MSRB3: variants seen among roughly 807,000 people sequenced by gnomAD.
MSRB3 encodes methionine sulfoxide reductase B3, also known as methionine-R-sulfoxide reductase B3.
MSRB3 carries 13 observed loss-of-function variants against 21.0 expected under a neutral mutation model. The ratio of observed to expected loss-of-function variants is 0.62; its 90% CI spans 0.40 to 0.98. The LOEUF is 0.98. Among genes scored for constraint, MSRB3 ranks in the 50% least tolerant of loss-of-function variants. MSRB3 has a pLI of 0.00. For missense variants in MSRB3, 199 were observed against 230.3 expected (o/e 0.86, Z 0.88); for synonymous variants, 87 against 88.6 (o/e 0.98, Z 0.10).
intron 5 of MSRB3, among the ~76,000 whole-genome samples, chr12:65,407,338 GTT>G (rs111292244): frequency 7.6e-5 from 11 of 143,942 alleles, no homozygotes; most frequent in Admixed American, 2.8e-4. Flanking sequence ...GTCCTGGTAT[GTT>G]TTTTTTTTTT....
chr12:65,368,462 A>C (rs573494258), intron 4 of MSRB3, among the ~76,000 whole-genome samples: 195 of 152,296 alleles, frequency 1.3e-3, no homozygotes, highest in Non-Finnish European at 2.1e-3. Flanking sequence ...GAGAGCTTCA[A>C]AGGCTTCTGA....
At chr12:65,417,167 A>T (rs563085789) in intron 5 of MSRB3, among the ~76,000 whole-genome samples, 1 of 152,270 alleles carries the variant, frequency 6.6e-6, no homozygotes, top group East Asian at 1.9e-4. Context: ...TATGAATTGT[A>T]ATCAGTATTT....
At chr12:65,308,729 C>A in intron 2 of MSRB3, 74 bp downstream of exon 2, 1 of 1,597,436 alleles carries the variant, frequency 6.3e-7, no homozygotes, top group African/African-American at 1.3e-5. Flanking sequence ...AAATGATACA[C>A]CATCATGCTT....
At chr12:65,376,229 C>T (rs1234558105) in intron 5 of MSRB3, among the ~76,000 whole-genome samples, 1 of 151,322 alleles carries the variant, frequency 6.6e-6, no homozygotes, top group Admixed American at 6.6e-5. Flanking sequence ...ACGCCATTCT[C>T]CTGCCTCAGC....
chr12:65,454,100 C>G (rs565356345), intron 6 of MSRB3: 5 of 612,002 alleles, frequency 8.2e-6, no homozygotes, highest in Non-Finnish European at 1.5e-5. Flanking sequence ...TCCGGGCAAC[C>G]TAGTGAGACC....
At chr12:65,412,999 C>T (rs1880795465) in intron 5 of MSRB3, among the ~76,000 whole-genome samples, 1 of 152,210 alleles carries the variant, frequency 6.6e-6, no homozygotes, top group Non-Finnish European at 1.5e-5. Flanking sequence ...ATTCAGTTAA[C>T]TCCATCTGGT....
intron 5 of MSRB3, among the ~76,000 whole-genome samples, chr12:65,378,450 C>T (rs1409004768): frequency 6.6e-6 from 1 of 152,110 alleles, no homozygotes. Context: ...CAGGTTGGGT[C>T]CAGGTCTGTT....
chr12:65,395,367 G>A lies in MSRB3; in HGVS notation c.292+26341G>A, dbSNP rs191342592. ...TGTAATCCCAGTTACTCAGGAGGCC[G>A]AGGCAGAAGAATCACTTGAACCTGG... On this transcript the variant is annotated intron_variant, in intron 5 of 6. Transcript: ENST00000308259. 1.3e-3 allele frequency among the ~76,000 whole-genome samples: 198 copies of A among 152,102 alleles called. 3 individuals are homozygous for A. In the East Asian group the frequency reaches 0.03, roughly 23 times the overall value.
chr12:65,403,155 T>C (rs1880223731), intron 5 of MSRB3, among the ~76,000 whole-genome samples: 1 of 152,200 alleles, frequency 6.6e-6, no homozygotes, highest in African/African-American at 2.4e-5. Flanking sequence ...TGCTGCTCTC[T>C]TCAGAGCTGG....
chr12:65,377,521 A>G (rs1878696586), intron 5 of MSRB3, among the ~76,000 whole-genome samples: 1 of 151,834 alleles, frequency 6.6e-6, no homozygotes. Context: ...GCTGGTCTCA[A>G]ACTCCTTATC....
intron 3 of MSRB3, among the ~76,000 whole-genome samples, chr12:65,327,318 A>G (rs1480903674): frequency 1.3e-5 from 2 of 152,246 alleles, no homozygotes; most frequent in African/African-American, 2.4e-5. Context: ...CATTGTAAGT[A>G]TAGACGTTTT....
intron 1 of MSRB3, among the ~76,000 whole-genome samples, chr12:65,300,745 C>G (rs193269492): frequency 6.6e-6 from 1 of 152,126 alleles, no homozygotes; most frequent in East Asian, 1.9e-4. Flanking sequence ...AGCTCTGCCC[C>G]GTATCTCCTT....
At chr12:65,401,777 C>T (rs1408374952) in intron 5 of MSRB3, among the ~76,000 whole-genome samples, 1 of 152,110 alleles carries the variant, frequency 6.6e-6, no homozygotes, top group Non-Finnish European at 1.5e-5. Flanking sequence ...TTAGTACTTC[C>T]TTCAGGAGCT....
intron 4 of MSRB3, among the ~76,000 whole-genome samples, chr12:65,329,427 A>C (rs1055109237): frequency 6.6e-6 from 1 of 152,174 alleles, no homozygotes; most frequent in Admixed American, 6.5e-5. Context: ...AGACGGGTGC[A>C]TCACTTGAGG....
rs181904468 is a variant in MSRB3, at chr12:65,419,856, C to T, written c.293-33872C>T. The T allele has an allele frequency of 9.5e-4, 663 of 698,904 alleles. 1 individual carries two copies. Among genetic ancestry groups the T allele is most frequent in the South Asian group, 1.9e-3 (132 of 70,306 alleles). The allele number at this position is 698,904 out of a possible 1,614,324, so 43.3% of individuals were successfully genotyped here. The stretch of plus-strand genomic sequence containing the variant: ...CAGGCCCCTGGACCCCAAGCAGCCC[C>T]GGAAGCTGGTGGAGCAGGACATGGA... On this transcript the variant is annotated intron_variant, in intron 5 of 6. Transcript: ENST00000308259.
intron 3 of MSRB3, among the ~76,000 whole-genome samples, 161 bp downstream of exon 3, chr12:65,327,095 T>A (rs1178436879): frequency 1.3e-5 from 2 of 152,246 alleles, no homozygotes; most frequent in African/African-American, 4.8e-5. Flanking sequence ...TTGTTTAGGT[T>A]AAGACTAAGT....
chr12:65,428,289 G>C (rs553225349), intron 5 of MSRB3, among the ~76,000 whole-genome samples: 259 of 152,110 alleles, frequency 1.7e-3, no homozygotes, highest in Non-Finnish European at 1.6e-3. Flanking sequence ...GATCTTACCA[G>C]TTATTTATTT....
At chr12:65,446,325 CT>C (rs1882615047) in intron 5 of MSRB3, among the ~76,000 whole-genome samples, 1 of 152,218 alleles carries the variant, frequency 6.6e-6, no homozygotes, top group Admixed American at 6.5e-5. Flanking sequence ...TTGTGTTAAT[CT>C]CATACAGCTA....
intron 2 of MSRB3, among the ~76,000 whole-genome samples, chr12:65,310,598 G>A (rs530847173): frequency 6.6e-6 from 1 of 152,268 alleles, no homozygotes; most frequent in Admixed American, 6.5e-5. Context: ...TACAGGGGAG[G>A]CTAAATGTTT....
Sources: gnomAD v4.1 joint callset for allele counts (sites outside exome capture counted in the v4.1 genomes callset) on GRCh38, gnomAD v4.1.1 for gene constraint, MANE v1.5 for transcripts, NCBI Gene and HGNC (gene_info 2026-07-23, HGNC 2026-07-21) for gene names.